Variants in LCORL observed in about 807,000 individuals in gnomAD.
LCORL encodes ligand-dependent nuclear receptor corepressor-like protein.
In LCORL, 41 loss-of-function variants were observed where a neutral mutation model predicts 141.8. The observed-to-expected ratio is 0.29, with a 90% confidence interval of 0.23 to 0.38. The LOEUF (loss-of-function observed/expected upper bound fraction) is 0.38, where lower values mean the gene tolerates loss of function less well. Ranked by LOEUF, LCORL falls within the 10% of genes least tolerant of loss-of-function variation. The pLI is 1.00. For missense variants in LCORL, 1,759 were observed against 2,035.0 expected (o/e 0.86, Z 2.61); for synonymous variants, 618 against 694.1 (o/e 0.89, Z 1.72).
At chr4:17,991,482 G>A (rs1037595567) in intron 1 of LCORL, among the ~76,000 whole-genome samples, 1 of 152,138 alleles carries the variant, frequency 6.6e-6, no homozygotes, top group Non-Finnish European at 1.5e-5. Flanking sequence ...AGAAAACTGG[G>A]GTTCTGATAG....
chr4:17,938,661 C>T (rs763603412), intron 4 of LCORL, among the ~76,000 whole-genome samples: 12 of 152,058 alleles, frequency 7.9e-5, no homozygotes, highest in Non-Finnish European at 1.6e-4. Context: ...GATCCACCCG[C>T]CTCAGCCTCC....
At chr4:17,845,311 A>G (rs1197975249) in exon 8 of LCORL, 1 of 154,808 alleles carries the variant, frequency 6.5e-6, no homozygotes, top group Non-Finnish European at 1.4e-5. Flanking sequence ...TCTTTCACCA[A>G]TTTGCTTCGA....
chr4:17,921,047 CAA>C (rs1472478078), intron 4 of LCORL, among the ~76,000 whole-genome samples: 1 of 152,058 alleles, frequency 6.6e-6, no homozygotes, highest in Non-Finnish European at 1.5e-5. Context: ...TTTTTTGAGA[CAA>C]AGTCTCACTC....
chr4:17,999,191 A>AGCCAGGTGCGGTGGCTCAC (rs57487263), intron 1 of LCORL, among the ~76,000 whole-genome samples: 18 of 150,436 alleles, frequency 1.2e-4, no homozygotes, highest in South Asian at 6.3e-4. Flanking sequence ...AGGATGTCTA[A>AGCCAGGTGCGGTGGCTCAC]GCCTGTAATC....
chr4:17,900,751 GA>G lies in LCORL; in HGVS notation c.682+8342del, dbSNP rs1313858155. ...AATCATGATATTACACAGAAACAAA[GA>G]GATGGAAAATGTGAAAAGGAAGAGG... On this transcript the variant is annotated intron_variant, in intron 5 of 7. Transcript: ENST00000635767. 3.3e-5 allele frequency among the ~76,000 whole-genome samples: 5 copies of G among 152,080 alleles called. No homozygotes were observed. The East Asian group carries it at 9.6e-4, about 29-fold the overall frequency.
At chr4:17,857,851 A>G (rs907988593) in intron 7 of LCORL, among the ~76,000 whole-genome samples, 7 of 152,234 alleles carry the variant, frequency 4.6e-5, no homozygotes, top group African/African-American at 1.7e-4. Context: ...ACATGAAAGA[A>G]TCAAGATATT....
intron 1 of LCORL, among the ~76,000 whole-genome samples, chr4:18,011,430 A>T (rs536207350): frequency 2.9e-3 from 402 of 138,202 alleles, no homozygotes; most frequent in African/African-American, 8.3e-3. Context: ...TACCCATTTT[A>T]AAAAAAAAAA....
chr4:17,884,499 C>T lies in LCORL; in HGVS notation c.776+1569G>A. On this transcript the variant is annotated intron_variant, in intron 6 of 7. Transcript: ENST00000635767. This position sits in a 1 kb window ranked among gnomAD's most constrained non-coding sequence, Gnocchi z 4.4. ...CACAAGGCTACTTTTTGCAGCACTG[C>T]ACAAGTTTCTTTACTGTCCTTATAT... 6.5e-7 allele frequency: 1 copy of T among 1,545,528 alleles called. No homozygotes were observed. Among genetic ancestry groups the T allele is most frequent in the Non-Finnish European group, 8.7e-7 (1 of 1,145,190 alleles).
At chr4:17,881,181 C>T in intron 6 of LCORL, 1 of 976,534 alleles carries the variant, frequency 1.0e-6, no homozygotes, top group African/African-American at 1.8e-5. Flanking sequence ...ATATAAAATA[C>T]TTGAGGAACA....
intron 3 of LCORL, among the ~76,000 whole-genome samples, chr4:17,962,643 A>T (rs1714062232): frequency 6.6e-6 from 1 of 152,024 alleles, no homozygotes; most frequent in Non-Finnish European, 1.5e-5. Flanking sequence ...GTGGTCTCAG[A>T]CCAAAGTAGG....
intron 5 of LCORL, among the ~76,000 whole-genome samples, chr4:17,908,127 G>A (rs545105459): frequency 6.6e-6 from 1 of 152,140 alleles, no homozygotes; most frequent in East Asian, 1.9e-4. Flanking sequence ...CTGCCTCCTG[G>A]ATTCAAGCAA....
chr4:17,966,871 C>A (rs1560416547), intron 2 of LCORL, among the ~76,000 whole-genome samples: 1 of 152,088 alleles, frequency 6.6e-6, no homozygotes, highest in Non-Finnish European at 1.5e-5. Flanking sequence ...ATTGAAGATA[C>A]CCTTACAGTT....
At chr4:17,957,850 A>G (rs1712985716) in intron 4 of LCORL, among the ~76,000 whole-genome samples, 1 of 151,972 alleles carries the variant, frequency 6.6e-6, no homozygotes, top group Non-Finnish European at 1.5e-5. Flanking sequence ...TCAAAGTATG[A>G]CCACGATGAC....
intron 4 of LCORL, among the ~76,000 whole-genome samples, chr4:17,954,102 G>C (rs1239053601): frequency 6.6e-6 from 1 of 152,302 alleles, no homozygotes; most frequent in East Asian, 1.9e-4. Context: ...GGTGGAGCTT[G>C]CAGTGAGCCG....
At chr4:17,922,702 C>T (rs1734489221) in intron 4 of LCORL, among the ~76,000 whole-genome samples, 1 of 152,110 alleles carries the variant, frequency 6.6e-6, no homozygotes, top group Non-Finnish European at 1.5e-5. Context: ...CACAGCCTCG[C>T]AAGGTATCTA....
intron 4 of LCORL, among the ~76,000 whole-genome samples, chr4:17,947,223 T>C (rs923537029): frequency 2.6e-5 from 4 of 152,016 alleles, no homozygotes; most frequent in Non-Finnish European, 5.9e-5. Flanking sequence ...AAGGAAATTC[T>C]GTCATTTGCA....
chr4:17,965,491 G>C (rs34588175), intron 2 of LCORL, among the ~76,000 whole-genome samples: 1 of 152,110 alleles, frequency 6.6e-6, no homozygotes, highest in East Asian at 1.9e-4. Flanking sequence ...AAACTCAAAA[G>C]AGGTTAAATT....
At chr4:17,856,488 C>T (rs1242584484) in intron 7 of LCORL, among the ~76,000 whole-genome samples, 3 of 152,270 alleles carry the variant, frequency 2.0e-5, no homozygotes, top group Middle Eastern at 6.8e-3. Context: ...TTGGACCTTC[C>T]AGCCTCCAAA....
At chr4:17,896,868 C>G (rs1017769522) in intron 5 of LCORL, among the ~76,000 whole-genome samples, 1 of 151,924 alleles carries the variant, frequency 6.6e-6, no homozygotes, top group Non-Finnish European at 1.5e-5. Flanking sequence ...CTCCTTACCC[C>G]ACCCCCCACT....
Sources: gnomAD v4.1 joint callset for allele counts (sites outside exome capture counted in the v4.1 genomes callset) on GRCh38, gnomAD v4.1.1 for gene constraint, Gnocchi (gnomAD v3.1) non-coding constraint, MANE v1.5 for transcripts, NCBI Gene and HGNC (gene_info 2026-07-23, HGNC 2026-07-21) for gene names.